The following SLC1A1 variants were observed in gnomAD, a reference collection of about 807,000 sequenced individuals.
SLC1A1 encodes the protein solute carrier family 1 member 1.
A neutral mutation model predicts 53.3 loss-of-function variants in SLC1A1; 43 were observed. The observed-to-expected ratio is 0.81, with a 90% CI of 0.63 to 1.04. The LOEUF is 1.04. Ranked by LOEUF, SLC1A1 falls within the 50% of genes least tolerant of loss-of-function variation. SLC1A1 has a pLI of 0.00. For missense variants in SLC1A1, 748 were observed against 664.9 expected, an observed-to-expected ratio of 1.12 and a Z score of -1.37; for synonymous variants, 307 against 243.2, an observed-to-expected ratio of 1.26 and a Z score of -2.44.
chr9:4,585,511 G>A lies in SLC1A1; in HGVS notation c.1528G>A (p.Val510Ile), dbSNP rs1336895970. The A allele has an allele frequency of 6.2e-7, 1 of 1,614,124 alleles. No homozygotes were observed. Among genetic ancestry groups the A allele is most frequent in the Non-Finnish European group, 8.5e-7 (1 of 1,180,042 alleles). Reference sequence around the variant, plus strand: ...GTCTTATGTCAATGGAGGCTTTGCAGTAGACAAGTCTGACACCATCTCATT... The same window carrying A: ...GTCTTATGTCAATGGAGGCTTTGCAATAGACAAGTCTGACACCATCTCATT... Reference protein sequence around the residue: ...KKSYVNGGFAVDKSDTISFTQ... With the variant: ...KKSYVNGGFAIDKSDTISFTQ... The change falls in exon 12 of 12, where the codon GTA becomes ATA. Residue 510 changes from valine to isoleucine, a missense_variant. Physicochemically the swap from Val to Ile is conservative, Grantham distance 29. Transcript: ENST00000262352.
chr9:4,515,968 T>G (rs1490972821), intron 1 of SLC1A1, among the ~76,000 whole-genome samples: 1 of 152,204 alleles, frequency 6.6e-6, no homozygotes, highest in Non-Finnish European at 1.5e-5. Context: ...GAACAAGTTG[T>G]TAGGAAAGTT....
At chr9:4,531,665 C>CTGCAG (rs2130853555) in intron 1 of SLC1A1, among the ~76,000 whole-genome samples, 1 of 152,300 alleles carries the variant, frequency 6.6e-6, no homozygotes, top group East Asian at 1.9e-4. Context: ...GCAGAATCCT[C>CTGCAG]TGCAGACTTA....
chr9:4,513,104 C>T lies in SLC1A1; in HGVS notation c.91+22334C>T, dbSNP rs1674294978. On this transcript the variant is annotated intron_variant, in intron 1 of 11. Coordinates refer to ENST00000262352, the MANE Select transcript of SLC1A1 (RefSeq NM_004170.6). ...AAAAGGAAAAGAGTAAGATATAAGACTTTTAGAAGAAAACATAGGGGTAAA... is the reference window on the plus strand; with the variant it reads ...AAAAGGAAAAGAGTAAGATATAAGATTTTTAGAAGAAAACATAGGGGTAAA... Among the ~76,000 whole-genome samples the T allele has an allele frequency of 4.0e-5, 6 of 151,872 alleles. No individual in the cohort carries two copies. The South Asian group carries it at 1.2e-3, about 32-fold the overall frequency.
intron 1 of SLC1A1, among the ~76,000 whole-genome samples, chr9:4,503,987 T>C (rs951505149): frequency 2.6e-5 from 4 of 152,226 alleles, no homozygotes; most frequent in Non-Finnish European, 5.9e-5. Flanking sequence ...ACTTAACTCC[T>C]GGAATGGGGA....
chr9:4,546,872 C>T (rs1817537609), intron 2 of SLC1A1, among the ~76,000 whole-genome samples: 1 of 152,140 alleles, frequency 6.6e-6, no homozygotes, highest in African/African-American at 2.4e-5. Context: ...GAAAAATCTT[C>T]ACAATTGTAC....
chr9:4,504,318 C>A (rs1820729521), intron 1 of SLC1A1, among the ~76,000 whole-genome samples: 2 of 152,190 alleles, frequency 1.3e-5, no homozygotes, highest in African/African-American at 2.4e-5. Context: ...TTTTCCCCCT[C>A]CAAGTGTCCT....
intron 1 of SLC1A1, among the ~76,000 whole-genome samples, chr9:4,508,351 G>C (rs561187089): frequency 6.6e-6 from 1 of 152,184 alleles, no homozygotes; most frequent in African/African-American, 2.4e-5. Flanking sequence ...GGGAGAGTGA[G>C]AGTCTGGTTG....
intron 1 of SLC1A1, among the ~76,000 whole-genome samples, chr9:4,526,314 G>A (rs902894844): frequency 6.6e-6 from 1 of 152,188 alleles, no homozygotes; most frequent in Non-Finnish European, 1.5e-5. Context: ...ACAGCACTTT[G>A]AATGAACTGG....
chr9:4,499,312 T>C (rs938633579), intron 1 of SLC1A1, among the ~76,000 whole-genome samples: 11 of 152,096 alleles, frequency 7.2e-5, no homozygotes, highest in African/African-American at 2.4e-4. Flanking sequence ...CCCAAAGTGC[T>C]GGGATTACAG....
intron 1 of SLC1A1, among the ~76,000 whole-genome samples, chr9:4,532,640 C>A (rs1377871816): frequency 6.6e-6 from 1 of 152,166 alleles, no homozygotes; most frequent in East Asian, 1.9e-4. Flanking sequence ...AAACACTCTG[C>A]AGAATATTAT....
chr9:4,555,704 G>A (rs149920362), intron 2 of SLC1A1, among the ~76,000 whole-genome samples: 19 of 152,262 alleles, frequency 1.2e-4, no homozygotes, highest in Non-Finnish European at 7.4e-5. Flanking sequence ...GGGTTCACAG[G>A]GAACTGGAAT....
chr9:4,531,954 G>A (rs879496316), intron 1 of SLC1A1, among the ~76,000 whole-genome samples: 2 of 152,210 alleles, frequency 1.3e-5, no homozygotes, highest in Admixed American at 6.5e-5. Flanking sequence ...AGGGTCTGGA[G>A]TGGACCTCAA....
intron 6 of SLC1A1, among the ~76,000 whole-genome samples, chr9:4,568,989 G>A (rs531192937): frequency 1.3e-5 from 2 of 152,226 alleles, no homozygotes; most frequent in South Asian, 4.2e-4. Context: ...ATTTCCCCCA[G>A]GAGCAACGGT....
At chr9:4,564,237 A>AT (rs1467363561) in intron 3 of SLC1A1, 107 bp from the exon 4 acceptor site, 8 of 796,664 alleles carry the variant, frequency 1.0e-5, no homozygotes, top group Non-Finnish European at 1.7e-5. Context: ...GGTCCTCCCC[A>AT]TCACACTATT....
At chr9:4,496,137 C>T (rs568623593) in intron 1 of SLC1A1, among the ~76,000 whole-genome samples, 13 of 152,126 alleles carry the variant, frequency 8.5e-5, no homozygotes, top group Admixed American at 5.9e-4. Flanking sequence ...TCTGGACAAC[C>T]CCAACATTGG....
At chr9:4,578,315 G>T (rs1474862324) in intron 10 of SLC1A1, among the ~76,000 whole-genome samples, 2 of 152,182 alleles carry the variant, frequency 1.3e-5, no homozygotes, top group African/African-American at 2.4e-5. Flanking sequence ...TCTGTAAAAT[G>T]AATAATAGTA....
rs530003910 is a variant in SLC1A1 at position 4,561,365 on chromosome 9, A to G, written c.233-84A>G. The G allele has an allele frequency of 7.3e-4, 633 of 870,166 alleles. 11 individuals are homozygous for G. The highest frequency in any genetic ancestry group is 5.5e-3 in the South Asian group (422 of 76,396). The allele number at this position is 870,166 out of a possible 1,614,324, so 53.9% of individuals were successfully genotyped here. On this transcript the variant is annotated intron_variant, in intron 2 of 11. Transcript: ENST00000262352. ...AGATGAGAACGCCTCTCAGCTCTTT[A>G]TTTCACAACCTGAGGATTAAATCGC...
intron 1 of SLC1A1, among the ~76,000 whole-genome samples, chr9:4,518,234 C>CAAAAAAAAAAAAAAAAAAAAAAAAAAAA (rs34559140): frequency 1.7e-5 from 1 of 60,432 alleles, no homozygotes; most frequent in South Asian, 1.0e-3. Flanking sequence ...TATTCCACCT[C>CAAAAAAAAAAAAAAAAAAAAAAAAAAAA]AAAAAAAAAA....
chr9:4,504,423 C>T (rs1586693343), intron 1 of SLC1A1, among the ~76,000 whole-genome samples: 1 of 152,186 alleles, frequency 6.6e-6, no homozygotes, highest in Non-Finnish European at 1.5e-5. Flanking sequence ...CTACCTGTTC[C>T]AGGAGACTTT....
Sources: allele counts gnomAD v4.1 joint callset (sites outside exome capture counted in the v4.1 genomes callset), GRCh38; gene constraint gnomAD v4.1.1; transcripts MANE v1.5; gene names NCBI Gene and HGNC (gene_info 2026-07-23, HGNC 2026-07-21).